Variants in RAF1 observed in about 807,000 individuals in gnomAD.
RAF1 encodes the protein RAF proto-oncogene serine/threonine-protein kinase.
In RAF1, 27 loss-of-function variants were observed where a neutral mutation model predicts 81.1. The ratio of observed to expected loss-of-function variants is 0.33; its 90% CI spans 0.25 to 0.46. The LOEUF (loss-of-function observed/expected upper bound fraction) is 0.46. RAF1 is among the 20% of genes least tolerant of loss of function. The pLI is 1.00. For synonymous variants in RAF1, 298 were observed against 294.0 expected (o/e 1.01, Z -0.14); for missense variants, 598 against 826.0 (o/e 0.72, Z 3.38).
rs764666755 is a variant in RAF1 at position 12,605,279 on chromosome 3, T to TGTGC, written c.680+921_680+922insGCAC. 2.4e-4 allele frequency among the ~76,000 whole-genome samples: 36 copies of TGTGC among 152,094 alleles called. 1 individual carries two copies. The highest frequency in any genetic ancestry group is 4.9e-4 in the Non-Finnish European group (33 of 67,994). On this transcript the variant is annotated intron_variant, in intron 6 of 17. Transcript: ENST00000442415. ...GTGTGTGTGTGTGTGTGTGTGTGTG[T>TGTGC]GTGTATACATAATATATTTTTTTTT...
intron 14 of RAF1, among the ~76,000 whole-genome samples, chr3:12,586,635 G>A (rs1253653708): frequency 6.6e-6 from 1 of 152,162 alleles, no homozygotes; most frequent in South Asian, 2.1e-4. Context: ...CACTGCTCAA[G>A]AGGCAAAACG....
intron 1 of RAF1, among the ~76,000 whole-genome samples, chr3:12,660,226 C>G (rs1274213127): frequency 1.3e-5 from 2 of 152,056 alleles, no homozygotes; most frequent in African/African-American, 4.8e-5. Context: ...AAATTACCAG[C>G]TTAATCTGCT....
intron 2 of RAF1, among the ~76,000 whole-genome samples, chr3:12,616,321 C>CAAT (rs1294853433): frequency 6.6e-6 from 1 of 152,166 alleles, no homozygotes; most frequent in East Asian, 1.9e-4. Flanking sequence ...AAGATAGTCT[C>CAAT]AATAACACTT....
At chr3:12,606,126 ATTTT>A in intron 6 of RAF1, 71 bp downstream of exon 6, 1 of 1,128,322 alleles carries the variant, frequency 8.9e-7, no homozygotes, top group Non-Finnish European at 1.3e-6. Flanking sequence ...AGAAACTCTT[ATTTT>A]TTGTCTTCAA....
At chr3:12,611,460 C>T (rs2059204326) in intron 3 of RAF1, among the ~76,000 whole-genome samples, 1 of 152,144 alleles carries the variant, frequency 6.6e-6, no homozygotes. Context: ...CTCAAGCAAC[C>T]CTCTTGCCTC....
rs895359291 is a variant in RAF1, at chr3:12,662,997, G to A, written c.-27+816C>T. Among the ~76,000 whole-genome samples, 67 of 152,008 alleles carry A rather than the reference G, an allele frequency of 4.4e-4. 1 individual carries two copies. The highest frequency in any genetic ancestry group is 1.6e-3 in the African/African-American group (65 of 41,378). ...CCCCTAGAACCCGTTCACATCTCAA[G>A]GATACACTAAGTTCCATTCCTTCTT... On this transcript the variant is annotated intron_variant, in intron 1 of 17. Coordinates refer to ENST00000442415, the MANE Select transcript of RAF1 (RefSeq NM_001354689.3).
At chr3:12,641,907 A>G (rs1164305448) in intron 1 of RAF1, among the ~76,000 whole-genome samples, 3 of 152,000 alleles carry the variant, frequency 2.0e-5, no homozygotes. Flanking sequence ...CTGTAATCCC[A>G]GCCTGAGGCA....
chr3:12,604,852 C>T (rs993126922), intron 6 of RAF1, among the ~76,000 whole-genome samples: 5 of 146,848 alleles, frequency 3.4e-5, no homozygotes, highest in South Asian at 2.1e-4. Flanking sequence ...CTTCCAGTCA[C>T]CACCAACCCC....
chr3:12,609,288 CCAAT>C lies in RAF1; in HGVS notation c.364_367del (p.Ile122GlufsTer6). The C allele has an allele frequency of 6.2e-7, 1 of 1,613,768 alleles. No individual in the cohort carries two copies. Among genetic ancestry groups the C allele is most frequent in the Non-Finnish European group, 8.5e-7 (1 of 1,179,758 alleles). On this transcript the variant is annotated frameshift_variant, in exon 4 of 18. Coordinates refer to ENST00000442415, the MANE Select transcript of RAF1 (RefSeq NM_001354689.3). LOFTEE classifies it high-confidence loss of function. ...CAGGAAATCTACTTGAAGTTCTTCT[CCAAT>C]CAAAGACGCAGCATCAGTATTCCAA...
At chr3:12,617,438 A>G (rs2059403862) in intron 2 of RAF1, among the ~76,000 whole-genome samples, 1 of 151,858 alleles carries the variant, frequency 6.6e-6, no homozygotes, top group Non-Finnish European at 1.5e-5. Context: ...TTTTTTTTGT[A>G]GAGATGGGGT....
In RAF1 at chr3:12,664,058, C is replaced by T; in HGVS notation, c.-272G>A. ...AAAGGCAGCAGAAAGCCGTTCCCGC[C>T]TCACAATCGTTTTCCTCTTACTCCC... On this transcript the variant is annotated 5_prime_UTR_variant, in exon 1 of 18. Coordinates refer to ENST00000442415, the MANE Select transcript of RAF1 (RefSeq NM_001354689.3). 2.5e-6 allele frequency: 1 copy of T among 398,506 alleles called. No individual in the cohort carries two copies. The highest frequency in any genetic ancestry group is 4.4e-6 in the Non-Finnish European group (1 of 225,960). 24.7% of individuals were successfully genotyped at this position (398,506 alleles called of 1,614,324 possible).
chr3:12,648,615 G>A (rs1274928283), intron 1 of RAF1, among the ~76,000 whole-genome samples: 2 of 152,114 alleles, frequency 1.3e-5, no homozygotes, highest in Non-Finnish European at 2.9e-5. Context: ...CGGATGTGGT[G>A]GTGCACACCT....
chr3:12,651,445 C>A (rs1364011889), intron 1 of RAF1, among the ~76,000 whole-genome samples: 9 of 152,072 alleles, frequency 5.9e-5, no homozygotes. Context: ...ACCAGCCTGG[C>A]CAACATGGTG....
intron 1 of RAF1, among the ~76,000 whole-genome samples, chr3:12,652,011 A>AAAAT (rs58806427): frequency 0.28 from 38,637 of 136,306 alleles, 5,940 homozygotes; most frequent in Non-Finnish European, 0.35. Flanking sequence ...CTCCATCTCT[A>AAAAT]AAATAAATAA....
rs36098034 is a variant in RAF1, at chr3:12,650,145, CAAAAAAAAAAAA to C, written c.-27+13656_-27+13667del. On this transcript the variant is annotated intron_variant, in intron 1 of 17. Transcript: ENST00000442415. ...CGGGAGACAGTGCGAGACTCCATCT[CAAAAAAAAAAAA>C]AAAAAAAAAAAAAAAAATTTAATCA... Among the ~76,000 whole-genome samples, 659 of 76,978 alleles carry C rather than the reference CAAAAAAAAAAAA, an allele frequency of 8.6e-3. 7 individuals carry two copies. The highest frequency in any genetic ancestry group is 0.029 in the African/African-American group (595 of 20,606). The allele number at this position is 76,978 out of a possible 152,430, so 50.5% of individuals were successfully genotyped here. A position where few individuals can be genotyped will look rare whatever the true frequency, so the allele number is the denominator to read the frequency against.
At chr3:12,623,580 G>T (rs540338280) in intron 1 of RAF1, among the ~76,000 whole-genome samples, 2 of 151,956 alleles carry the variant, frequency 1.3e-5, no homozygotes, top group African/African-American at 2.4e-5. Context: ...GATGGATCAC[G>T]AGGTCAGGAG....
intron 1 of RAF1, among the ~76,000 whole-genome samples, chr3:12,642,077 G>A (rs576013300): frequency 2.4e-4 from 36 of 152,184 alleles, no homozygotes; most frequent in African/African-American, 7.9e-4. Flanking sequence ...GAACCCAGGA[G>A]GCAGTGGTTG....
chr3:12,585,402 A>G lies in RAF1; in HGVS notation c.1597-149T>C, dbSNP rs2058300116. 5 of 1,532,924 alleles carry G rather than the reference A, an allele frequency of 3.3e-6. No individual in the cohort carries two copies. In the South Asian group the frequency reaches 4.8e-5, roughly 15 times the overall value. The allele number at this position is 1,532,924 out of a possible 1,614,324, so 95.0% of individuals were successfully genotyped here. A position where few individuals can be genotyped will look rare whatever the true frequency, so the allele number is the denominator to read the frequency against. ...CTTTTCCCCCAAAGGACTCCAACTC[A>G]GGCACTGGTTAAAACAGCTCAGGAA... On this transcript the variant is annotated intron_variant, in intron 15 of 17. Coordinates refer to ENST00000442415, the MANE Select transcript of RAF1 (RefSeq NM_001354689.3).
chr3:12,604,164 G>A lies in RAF1; in HGVS notation c.806C>T (p.Thr269Ile), dbSNP rs2058951328. ...AATCATCCTGCTGTCCACAGGCAGG[G>A]TGGTGCTGACCATGTGGACATTAGG... is the stretch of plus-strand genomic sequence containing the variant. The change falls in exon 7 of 18, where the codon ACC (threonine) becomes ATC (isoleucine). Residue 269 changes from threonine to isoleucine, a missense_variant. By Grantham distance (89) the Thr-to-Ile change is moderately conservative. This residue lies in a region of RAF1 where 194 missense variants were observed against 202.7 expected (regional missense o/e 0.96). Transcript: ENST00000442415. The A allele has an allele frequency of 6.2e-7, 1 of 1,614,172 alleles. No individual in the cohort carries two copies. The highest frequency in any genetic ancestry group is 1.3e-5 in the African/African-American group (1 of 75,044).
Sources: allele counts gnomAD v4.1 joint callset (sites outside exome capture counted in the v4.1 genomes callset), GRCh38; gene constraint gnomAD v4.1.1; regional missense constraint gnomAD v4.1.1; transcripts MANE v1.5; gene names NCBI Gene and HGNC (gene_info 2026-07-23, HGNC 2026-07-21).